Variants in GRM7 observed in about 807,000 individuals in gnomAD.
The protein encoded by GRM7 is metabotropic glutamate receptor 7.
GRM7 carries 35 observed loss-of-function variants against 84.5 expected under a neutral mutation model. That is an observed-to-expected ratio of 0.41 (90% CI 0.32 to 0.55). The LOEUF (loss-of-function observed/expected upper bound fraction) is 0.55, where lower values mean the gene tolerates loss of function less well. Among genes scored for constraint, GRM7 ranks in the 20% least tolerant of loss-of-function variants. GRM7 has a pLI of 0.19. For missense variants in GRM7, 1,003 were observed against 1,194.6 expected, an observed-to-expected ratio of 0.84 and a Z score of 2.36; for synonymous variants, 487 against 455.1, an observed-to-expected ratio of 1.07 and a Z score of -0.89.
At chr3:7,155,503 G>A (rs1249897049) in intron 2 of GRM7, among the ~76,000 whole-genome samples, 4 of 151,984 alleles carry the variant, frequency 2.6e-5, no homozygotes, top group African/African-American at 9.7e-5. Flanking sequence ...CAAATGGAGA[G>A]TTCTGAAAAA....
chr3:6,895,512 T>C (rs1322058824), intron 1 of GRM7, among the ~76,000 whole-genome samples: 1 of 152,202 alleles, frequency 6.6e-6, no homozygotes, highest in African/African-American at 2.4e-5. Flanking sequence ...ATTATTTTCA[T>C]TTTACAAATT....
intron 1 of GRM7, among the ~76,000 whole-genome samples, chr3:6,950,059 C>G (rs1692671530): frequency 6.6e-6 from 1 of 152,218 alleles, no homozygotes; most frequent in Non-Finnish European, 1.5e-5. Context: ...CTCAACTCAT[C>G]AAAGTCATTC....
At chr3:7,442,476 T>C (rs868808748) in intron 5 of GRM7, among the ~76,000 whole-genome samples, 2 of 150,174 alleles carry the variant, frequency 1.3e-5, no homozygotes, top group Middle Eastern at 3.4e-3. Context: ...CTGCTCTAAC[T>C]AGAACTTGCG....
chr3:7,362,932 A>T (rs1453915883), intron 4 of GRM7, among the ~76,000 whole-genome samples: 1 of 152,062 alleles, frequency 6.6e-6, no homozygotes, highest in Non-Finnish European at 1.5e-5. Flanking sequence ...TCTGGGCAAC[A>T]TAGCAAGACC....
At chr3:7,465,363 G>T (rs184209858) in intron 7 of GRM7, among the ~76,000 whole-genome samples, 1 of 152,230 alleles carries the variant, frequency 6.6e-6, no homozygotes, top group Non-Finnish European at 1.5e-5. Flanking sequence ...GGACTTGGTA[G>T]GATGTCACCC....
At chr3:7,433,676 T>A (rs1696924680) in intron 5 of GRM7, among the ~76,000 whole-genome samples, 1 of 152,220 alleles carries the variant, frequency 6.6e-6, no homozygotes, top group African/African-American at 2.4e-5. Flanking sequence ...TGCTGAGCAG[T>A]TTTCTTCCAG....
chr3:7,491,503 C>T (rs1039116105), intron 7 of GRM7, among the ~76,000 whole-genome samples: 79 of 152,110 alleles, frequency 5.2e-4, no homozygotes, highest in African/African-American at 1.5e-3. Flanking sequence ...AATATTTGTT[C>T]ATTCTGTGTG....
intron 9 of GRM7, among the ~76,000 whole-genome samples, chr3:7,737,175 T>C (rs981992654): frequency 2.6e-5 from 4 of 152,174 alleles, no homozygotes; most frequent in Non-Finnish European, 5.9e-5. Flanking sequence ...AAATTGAGTG[T>C]TGATTTTGAC....
chr3:7,278,167 A>G (rs1181658512), intron 2 of GRM7, among the ~76,000 whole-genome samples: 1 of 152,102 alleles, frequency 6.6e-6, no homozygotes, highest in Non-Finnish European at 1.5e-5. Context: ...CCTAAGATAT[A>G]CTCAAAACTA....
chr3:7,476,071 A>G (rs111369952), intron 7 of GRM7, among the ~76,000 whole-genome samples: 7 of 152,312 alleles, frequency 4.6e-5, no homozygotes, highest in African/African-American at 1.2e-4. Context: ...AAGAGGTCAT[A>G]TGGGGGTGTT....
intron 1 of GRM7, among the ~76,000 whole-genome samples, chr3:6,980,473 A>C (rs1197288747): frequency 6.6e-6 from 1 of 152,198 alleles, no homozygotes; most frequent in Non-Finnish European, 1.5e-5. Flanking sequence ...TGTTTACTGC[A>C]TACTTGGGAA....
chr3:7,708,689 T>C (rs1701480727), intron 9 of GRM7, among the ~76,000 whole-genome samples: 1 of 151,968 alleles, frequency 6.6e-6, no homozygotes, highest in Non-Finnish European at 1.5e-5. Context: ...GTAGTAGAGG[T>C]TGGAAACCAG....
chr3:7,039,437 A>G (rs1190246643), intron 1 of GRM7, among the ~76,000 whole-genome samples: 1 of 152,362 alleles, frequency 6.6e-6, no homozygotes, highest in East Asian at 1.9e-4. Flanking sequence ...AAGTGCACAG[A>G]GGTAAAAAGT....
chr3:7,078,654 G>A (rs1188853643), intron 1 of GRM7, among the ~76,000 whole-genome samples: 1 of 152,068 alleles, frequency 6.6e-6, no homozygotes, highest in African/African-American at 2.4e-5. Context: ...AAACCATATG[G>A]GATGATGAAT....
chr3:6,952,670 C>T lies in GRM7; in HGVS notation c.519+90763C>T, dbSNP rs531282654. Among the ~76,000 whole-genome samples the T allele has an allele frequency of 6.6e-5, 10 of 152,236 alleles. No homozygotes were observed. The South Asian group carries it at 1.2e-3, about 19-fold the overall frequency. On this transcript the variant is annotated intron_variant, in intron 1 of 9. Transcript: ENST00000357716. ...AAACTGATCCTTAATGATCTAATTT[C>T]TTAAAAATTTGTTTCATGTATTTGT...
intron 4 of GRM7, among the ~76,000 whole-genome samples, chr3:7,335,509 C>G (rs1701383340): frequency 6.6e-6 from 1 of 151,728 alleles, no homozygotes; most frequent in African/African-American, 2.4e-5. Flanking sequence ...ACTAGAGAAA[C>G]AAGAACAAAC....
At chr3:7,663,085 G>A (rs1699534648) in intron 8 of GRM7, among the ~76,000 whole-genome samples, 1 of 152,170 alleles carries the variant, frequency 6.6e-6, no homozygotes, top group African/African-American at 2.4e-5. Flanking sequence ...GAACTGAGAT[G>A]CCCATGAGGG....
chr3:7,348,177 G>A (rs1205629201), intron 4 of GRM7, among the ~76,000 whole-genome samples: 1 of 151,968 alleles, frequency 6.6e-6, no homozygotes, highest in African/African-American at 2.4e-5. Flanking sequence ...CTGCCTTTTT[G>A]GTTAAATTTT....
At chr3:7,565,653 G>A (rs1694223696) in intron 7 of GRM7, among the ~76,000 whole-genome samples, 2 of 152,194 alleles carry the variant, frequency 1.3e-5, no homozygotes, top group African/African-American at 4.8e-5. Flanking sequence ...TGAGAGCAAT[G>A]AAAAGTCATT....
Sources: gnomAD v4.1 joint callset for allele counts (sites outside exome capture counted in the v4.1 genomes callset) on GRCh38, gnomAD v4.1.1 for gene constraint, MANE v1.5 for transcripts, NCBI Gene and HGNC (gene_info 2026-07-23, HGNC 2026-07-21) for gene names.